The following UGGT2 variants were observed in gnomAD, a reference collection of about 807,000 sequenced individuals.
The protein encoded by UGGT2 is UDP-glucose glycoprotein glucosyltransferase 2.
In UGGT2, 180 loss-of-function variants were observed where a neutral mutation model predicts 192.1. The ratio of observed to expected loss-of-function variants is 0.94; its 90% CI spans 0.83 to 1.06. The LOEUF (loss-of-function observed/expected upper bound fraction) is 1.06. Ranked by LOEUF, UGGT2 falls within the 50% of genes least tolerant of loss-of-function variation. The pLI is 0.00. For synonymous variants in UGGT2, 580 were observed against 591.0 expected (o/e 0.98, Z 0.27); for missense variants, 1,849 against 1,795.7 (o/e 1.03, Z -0.54).
At chr13:95,988,689 G>C (rs1324868078) in intron 8 of UGGT2, among the ~76,000 whole-genome samples, 1 of 152,046 alleles carries the variant, frequency 6.6e-6, no homozygotes, top group Non-Finnish European at 1.5e-5. Flanking sequence ...GTATTAGGTA[G>C]GTAAAGAATA....
chr13:95,944,795 G>T, intron 15 of UGGT2, among the ~76,000 whole-genome samples: 1 of 151,500 alleles, frequency 6.6e-6, no homozygotes, highest in East Asian at 1.9e-4. Context: ...TCTGATTGTT[G>T]GATATTATAT....
chr13:96,052,468 A>T (rs1476752835), intron 1 of UGGT2, among the ~76,000 whole-genome samples: 1 of 151,470 alleles, frequency 6.6e-6, no homozygotes, highest in African/African-American at 2.4e-5. Context: ...TAAACTATAG[A>T]AATGAAAAAA....
chr13:95,839,879 T>C (rs1010363428), intron 36 of UGGT2, among the ~76,000 whole-genome samples: 1 of 152,194 alleles, frequency 6.6e-6, no homozygotes, highest in Admixed American at 6.5e-5. Context: ...CTATTCCTAA[T>C]GACAATGGCA....
intron 20 of UGGT2, among the ~76,000 whole-genome samples, chr13:95,916,307 C>T (rs955148832): frequency 6.6e-6 from 1 of 152,098 alleles, no homozygotes; most frequent in Non-Finnish European, 1.5e-5. Flanking sequence ...TGCAGCAGCC[C>T]TACAGAAGAG....
chr13:95,984,029 A>C (rs542394568), intron 9 of UGGT2, among the ~76,000 whole-genome samples, 165 bp from the exon 10 acceptor site: 1 of 152,326 alleles, frequency 6.6e-6, no homozygotes, highest in East Asian at 1.9e-4. Context: ...TTCATTTGAC[A>C]AAAGTATTTG....
chr13:96,031,175 C>T (rs1217479251), intron 2 of UGGT2, among the ~76,000 whole-genome samples: 1 of 152,120 alleles, frequency 6.6e-6, no homozygotes, highest in Non-Finnish European at 1.5e-5. Flanking sequence ...AATCTCTGTA[C>T]TTTCTGTCCA....
At chr13:95,858,243 C>CCTATGG (rs1889811402) in intron 33 of UGGT2, among the ~76,000 whole-genome samples, 1 of 151,882 alleles carries the variant, frequency 6.6e-6, no homozygotes, top group Non-Finnish European at 1.5e-5. Context: ...GGCCCTTCAC[C>CCTATGG]CTATCTCCCA....
At chr13:95,910,373 T>C (rs1178392905) in intron 20 of UGGT2, among the ~76,000 whole-genome samples, 2 of 151,692 alleles carry the variant, frequency 1.3e-5, no homozygotes, top group Non-Finnish European at 2.9e-5. Context: ...ACACATAGGC[T>C]CAAATAAAGG....
chr13:95,931,584 G>A (rs957278677), intron 17 of UGGT2, among the ~76,000 whole-genome samples: 17 of 152,162 alleles, frequency 1.1e-4, no homozygotes, highest in South Asian at 2.1e-4. Context: ...CAGGCATGGC[G>A]GGCTGCGGGT....
At chr13:96,007,918 A>G (rs1031920553) in intron 5 of UGGT2, among the ~76,000 whole-genome samples, 57 of 152,162 alleles carry the variant, frequency 3.7e-4, no homozygotes, top group African/African-American at 1.3e-3. Context: ...TTCGACAAAC[A>G]TGCCAGGATC....
At chr13:95,881,404 A>G (rs2047490770) in intron 27 of UGGT2, among the ~76,000 whole-genome samples, 1 of 152,114 alleles carries the variant, frequency 6.6e-6, no homozygotes, top group South Asian at 2.1e-4. Context: ...TGCAAATGTG[A>G]CCTTTTCCCA....
Position 95,859,686 on chromosome 13 carries a change from GAAT to G in UGGT2, c.3741-14_3741-12del. On this transcript the variant is annotated splice_polypyrimidine_tract_variant and intron_variant, in intron 32 of 38. Coordinates refer to ENST00000376747, the MANE Select transcript of UGGT2 (RefSeq NM_020121.4). ...GAAAGCATCATAATTCTGTATAAAA[GAAT>G]ATTAAACCCAATATACATTAACAGT... 6.3e-7 allele frequency: 1 copy of G among 1,595,668 alleles called. No homozygotes were observed. Among genetic ancestry groups the G allele is most frequent in the Non-Finnish European group, 8.6e-7 (1 of 1,169,034 alleles).
intron 1 of UGGT2, among the ~76,000 whole-genome samples, chr13:96,046,996 A>G (rs2053333529): frequency 6.6e-6 from 1 of 152,208 alleles, no homozygotes; most frequent in Non-Finnish European, 1.5e-5. Flanking sequence ...GGAGCCCACC[A>G]CAGCTCCAGG....
intron 26 of UGGT2, among the ~76,000 whole-genome samples, chr13:95,885,571 A>G (rs1434494600): frequency 6.6e-6 from 1 of 152,178 alleles, no homozygotes; most frequent in Non-Finnish European, 1.5e-5. Flanking sequence ...CTTTAGCCAT[A>G]TTTTGTTTTA....
At chr13:96,038,897 T>C (rs1426382699) in intron 1 of UGGT2, among the ~76,000 whole-genome samples, 5 of 152,192 alleles carry the variant, frequency 3.3e-5, no homozygotes, top group African/African-American at 1.2e-4. Context: ...ATCTAAATCA[T>C]GTATGGGTGA....
intron 29 of UGGT2, among the ~76,000 whole-genome samples, chr13:95,872,294 G>A (rs1417814215): frequency 6.6e-6 from 1 of 152,150 alleles, no homozygotes; most frequent in Non-Finnish European, 1.5e-5. Context: ...AAGATTGACA[G>A]ACACAGAAAG....
rs529985016 is a variant in UGGT2, at chr13:95,901,014, A to G, written c.2503-76T>C. On this transcript the variant is annotated intron_variant, in intron 21 of 38. Transcript: ENST00000376747. ...TTAAATCATTTTGTTTAAAAAACTAATATTAGTATAAAATTTTAAATAATA... is the reference window on the plus strand; with the variant it reads ...TTAAATCATTTTGTTTAAAAAACTAGTATTAGTATAAAATTTTAAATAATA... 53 of 1,042,632 alleles carry G rather than the reference A, an allele frequency of 5.1e-5. 2 individuals carry two copies. In the South Asian group the frequency reaches 1.6e-3, roughly 32 times the overall value. The allele number at this position is 1,042,632 out of a possible 1,614,324, so 64.6% of individuals were successfully genotyped here.
intron 5 of UGGT2, among the ~76,000 whole-genome samples, chr13:96,008,202 T>TA (rs1307874893): frequency 2.0e-5 from 3 of 152,030 alleles, no homozygotes; most frequent in Admixed American, 1.3e-4. Context: ...AACATCAAGC[T>TA]AAAAATCTTC....
intron 1 of UGGT2, among the ~76,000 whole-genome samples, chr13:96,033,234 A>G (rs953171597): frequency 6.6e-6 from 1 of 152,232 alleles, no homozygotes; most frequent in Non-Finnish European, 1.5e-5. Context: ...TATAGATTCA[A>G]TGCTATTCCT....
Sources: allele counts gnomAD v4.1 joint callset (sites outside exome capture counted in the v4.1 genomes callset), GRCh38; gene constraint gnomAD v4.1.1; transcripts MANE v1.5; gene names NCBI Gene and HGNC (gene_info 2026-07-23, HGNC 2026-07-21).